PALM2AKAP2: variants seen among roughly 807,000 people sequenced by gnomAD.
PALM2AKAP2 encodes PALM2-AKAP2 fusion protein.
PALM2AKAP2 carries 37 observed loss-of-function variants against 71.5 expected under a neutral mutation model. That is an observed-to-expected ratio of 0.52 (90% confidence interval 0.40 to 0.68). The LOEUF is 0.68. Ranked by LOEUF, PALM2AKAP2 falls within the 30% of genes least tolerant of loss-of-function variation. The pLI, the probability that PALM2AKAP2 is intolerant of heterozygous loss-of-function variation, is 0.00. For synonymous variants in PALM2AKAP2, 468 were observed against 478.8 expected, an observed-to-expected ratio of 0.98 and a Z score of 0.29; for missense variants, 1,224 against 1,191.8, an observed-to-expected ratio of 1.03 and a Z score of -0.40.
At chr9:109,736,084 A>T (rs906198504) in intron 1 of PALM2AKAP2, among the ~76,000 whole-genome samples, 7 of 152,166 alleles carry the variant, frequency 4.6e-5, no homozygotes, top group Non-Finnish European at 1.0e-4. Context: ...AGTCTGGAAA[A>T]TCACCAACCA....
At chr9:110,048,437 G>C (rs1292725705), upstream of PALM2AKAP2, among the ~76,000 whole-genome samples, 1 of 152,160 alleles carries the variant, frequency 6.6e-6, no homozygotes, top group Admixed American at 6.5e-5. Context: ...GAAACACTCA[G>C]CTTTGCCCGC....
rs533638767 is a variant in PALM2AKAP2, at chr9:110,041,789, C to T, written c.582+25750C>T. Among the ~76,000 whole-genome samples, 501 of 152,346 alleles carry T rather than the reference C, an allele frequency of 3.3e-3. 3 individuals carry two copies. The highest frequency in any genetic ancestry group is 5.1e-3 in the Non-Finnish European group (345 of 68,028). On this transcript the variant is annotated intron_variant, in intron 7 of 9. Transcript: ENST00000302798. The stretch of plus-strand genomic sequence containing the variant: ...CTGTCCTTTCTTCAAGTAAGGGCGA[C>T]TGTGTCCACCTCCGGTGGTTCCCAA...
chr9:110,164,523 GTTTACT>G (rs1836682916), intron 3 of PALM2AKAP2, among the ~76,000 whole-genome samples: 1 of 132,474 alleles, frequency 7.5e-6, no homozygotes. Context: ...TATTTATTTA[GTTTACT>G]TTTTTTTTTT....
intron 1 of PALM2AKAP2, chr9:109,760,300 G>A (rs142126567): frequency 5.8e-4 from 88 of 152,250 alleles, no homozygotes; most frequent in African/African-American, 2.1e-3. Context: ...CAAAAGGAAG[G>A]AACAAAGAGG....
intron 6 of PALM2AKAP2, among the ~76,000 whole-genome samples, chr9:109,981,623 G>A (rs1392509853): frequency 1.3e-5 from 2 of 152,230 alleles, no homozygotes; most frequent in Non-Finnish European, 2.9e-5. Context: ...GGACAGTGCT[G>A]AGAGGGAGGT....
At chr9:110,078,899 A>G (rs35646105) in intron 1 of PALM2AKAP2, among the ~76,000 whole-genome samples, 11,614 of 152,300 alleles carry the variant, frequency 0.076, 458 homozygotes, top group Middle Eastern at 0.11. Context: ...GCTGAAATAC[A>G]TTTAGCTGAT....
intron 1 of PALM2AKAP2, among the ~76,000 whole-genome samples, chr9:109,707,850 CA>C (rs1828166908): frequency 6.6e-6 from 1 of 152,136 alleles, no homozygotes; most frequent in South Asian, 2.1e-4. Flanking sequence ...TTGTGCCATC[CA>C]ATAAATGATC....
intron 3 of PALM2AKAP2, among the ~76,000 whole-genome samples, chr9:109,914,431 T>A (rs908217495): frequency 1.3e-5 from 2 of 152,206 alleles, no homozygotes; most frequent in Admixed American, 6.5e-5. Context: ...GCCACAGGAA[T>A]GACATTGCTT....
intron 3 of PALM2AKAP2, among the ~76,000 whole-genome samples, chr9:109,898,198 G>A (rs888435231): frequency 3.3e-5 from 5 of 152,166 alleles, no homozygotes; most frequent in African/African-American, 9.7e-5. Context: ...TAGTAGCAGT[G>A]GTACCCTATT....
At chr9:109,659,182 G>A (rs1564103962) in intron 1 of PALM2AKAP2, among the ~76,000 whole-genome samples, 1 of 152,228 alleles carries the variant, frequency 6.6e-6, no homozygotes, top group East Asian at 1.9e-4. Context: ...CAGAGAATAG[G>A]TTAAACCAAA....
intron 5 of PALM2AKAP2, among the ~76,000 whole-genome samples, chr9:109,930,362 A>G (rs1034751511): frequency 3.3e-5 from 5 of 151,936 alleles, no homozygotes; most frequent in African/African-American, 1.2e-4. Context: ...AGTAGCTGGG[A>G]CTACAGGTGC....
chr9:109,861,954 A>C (rs1829322146), intron 1 of PALM2AKAP2, among the ~76,000 whole-genome samples: 2 of 152,226 alleles, frequency 1.3e-5, no homozygotes, highest in Non-Finnish European at 2.9e-5. Flanking sequence ...AGGATAGTAC[A>C]CTCAGAGATA....
At chr9:109,935,960 G>A (rs1831209487) in intron 6 of PALM2AKAP2, among the ~76,000 whole-genome samples, 1 of 152,126 alleles carries the variant, frequency 6.6e-6, no homozygotes, top group Non-Finnish European at 1.5e-5. Flanking sequence ...TCAGACACAA[G>A]AAATTGGCTT....
chr9:110,161,965 T>C, intron 3 of PALM2AKAP2, 129 bp from the exon 10 acceptor site: 1 of 1,226,908 alleles, frequency 8.2e-7, no homozygotes, highest in Admixed American at 1.8e-5. Context: ...TTGGCATGGG[T>C]GTAGAATGGC....
chr9:109,972,942 T>C (rs1438561756), intron 6 of PALM2AKAP2, among the ~76,000 whole-genome samples: 1 of 152,192 alleles, frequency 6.6e-6, no homozygotes, highest in African/African-American at 2.4e-5. Context: ...TTACCAATAA[T>C]GGCTTAATAC....
intron 1 of PALM2AKAP2, among the ~76,000 whole-genome samples, chr9:110,083,941 G>A (rs183154478): frequency 8.5e-5 from 13 of 152,302 alleles, no homozygotes; most frequent in South Asian, 2.1e-4. Context: ...AACTACCAGC[G>A]GTAGAGCAAA....
chr9:109,865,830 G>T (rs1296994075), intron 1 of PALM2AKAP2, among the ~76,000 whole-genome samples: 1 of 152,208 alleles, frequency 6.6e-6, no homozygotes, highest in Non-Finnish European at 1.5e-5. Context: ...ATTCTAGAAT[G>T]TAGAGATAGC....
At chr9:109,927,680 T>C (rs1830988657) in intron 5 of PALM2AKAP2, among the ~76,000 whole-genome samples, 1 of 152,134 alleles carries the variant, frequency 6.6e-6, no homozygotes, top group South Asian at 2.1e-4. Context: ...GCCTGGGCAA[T>C]CAAGAACAAT....
intron 6 of PALM2AKAP2, among the ~76,000 whole-genome samples, chr9:109,955,519 A>T (rs540426043): frequency 2.5e-4 from 38 of 152,328 alleles, no homozygotes; most frequent in Admixed American, 2.3e-3. Context: ...AGCAAAAATA[A>T]CAAGAGGCAC....
Sources: allele counts gnomAD v4.1 joint callset (sites outside exome capture counted in the v4.1 genomes callset), GRCh38; gene constraint gnomAD v4.1.1; transcripts MANE v1.5; gene names NCBI Gene and HGNC (gene_info 2026-07-23, HGNC 2026-07-21).